Variants in AOPEP observed in about 807,000 individuals in gnomAD.
AOPEP encodes the protein aminopeptidase O (putative), also known as aminopeptidase O.
A neutral mutation model predicts 98.1 loss-of-function variants in AOPEP; 77 were observed. That is an observed-to-expected ratio of 0.78 (90% CI 0.65 to 0.95). AOPEP has a LOEUF of 0.95. AOPEP is among the 40% of genes least tolerant of loss of function. The pLI is 0.00. For missense variants in AOPEP, 1,024 were observed against 1,024.7 expected (o/e 1.00, Z 0.01); for synonymous variants, 346 against 365.3 (o/e 0.95, Z 0.60).
At position 95,005,177 on chromosome 9, in the gene AOPEP, G is replaced by T; in HGVS notation, c.1997G>T (p.Arg666Leu). ...GIPKPLQRER[R>L]AGAECGLARQ... is the part of the protein sequence containing the mutation. ...CCGCAGCCGCTGCAGAGGGAGCGTC[G>T]CGCCGGGGCGGAGTGCGGGCTTGCG... Residue 666 changes from arginine (R) to leucine (L), a missense_variant, in exon 12 of 17, where the codon CGC becomes CTC. This residue lies in a region of AOPEP where 566 missense variants were observed against 551.7 expected (regional missense o/e 1.03). Transcript: ENST00000375315. 8.7e-7 allele frequency: 1 copy of T among 1,151,526 alleles called. No homozygotes were observed. The highest frequency in any genetic ancestry group is 1.1e-6 in the Non-Finnish European group (1 of 932,622). 71.3% of individuals were successfully genotyped at this position (1,151,526 alleles called of 1,614,324 possible).
At chr9:94,748,725 T>C (rs763772306) in intron 1 of AOPEP, among the ~76,000 whole-genome samples, 8 of 152,320 alleles carry the variant, frequency 5.3e-5, no homozygotes, top group Non-Finnish European at 1.2e-4. Context: ...TTTATAGCCT[T>C]CACACTTTTG....
intron 3 of AOPEP, among the ~76,000 whole-genome samples, chr9:94,785,039 A>T (rs1208478499): frequency 6.6e-6 from 1 of 152,148 alleles, no homozygotes; most frequent in Non-Finnish European, 1.5e-5. Context: ...GGTTCAAGTG[A>T]TTCTCCAGCC....
At chr9:95,010,389 T>A (rs2062407853) in intron 13 of AOPEP, among the ~76,000 whole-genome samples, 1 of 152,186 alleles carries the variant, frequency 6.6e-6, no homozygotes, top group Non-Finnish European at 1.5e-5. Flanking sequence ...TCCAGAGCCA[T>A]CAGCACACAA....
chr9:95,123,836 GCTGCCCC>G, the AOPEP span: 1 of 654,336 alleles, frequency 1.5e-6, no homozygotes, highest in Non-Finnish European at 2.9e-6. Context: ...ACCTGCGGAT[GCTGCCCC>G]ACAACCCCCA....
chr9:95,150,113 C>A, the AOPEP span: 1 of 1,613,382 alleles, frequency 6.2e-7, no homozygotes, highest in Non-Finnish European at 8.5e-7. Flanking sequence ...GAAATAATCA[C>A]TCAAATCTAA....
chr9:94,911,832 C>T (rs1389475083), intron 5 of AOPEP, among the ~76,000 whole-genome samples: 1 of 152,138 alleles, frequency 6.6e-6, no homozygotes, highest in African/African-American at 2.4e-5. Context: ...AAAGATGGAC[C>T]TCCCAGGGTA....
chr9:94,817,205 A>G (rs939372061), intron 5 of AOPEP, among the ~76,000 whole-genome samples: 1 of 152,042 alleles, frequency 6.6e-6, no homozygotes, highest in Non-Finnish European at 1.5e-5. Flanking sequence ...GGGTTTCGCC[A>G]CGTTGTCCAG....
chr9:94,983,313 C>G (rs1002803802), intron 11 of AOPEP, among the ~76,000 whole-genome samples: 11 of 152,148 alleles, frequency 7.2e-5, no homozygotes, highest in African/African-American at 2.7e-4. Flanking sequence ...GCGAGCCAGC[C>G]AGTTTCTACA....
Position 94,818,769 on chromosome 9 carries a change from C to T in AOPEP, c.1364+17767C>T, listed in dbSNP as rs891725712. 3.3e-5 allele frequency among the ~76,000 whole-genome samples: 5 copies of T among 152,150 alleles called. No individual in the cohort carries two copies. In the East Asian group the frequency reaches 7.7e-4, roughly 24 times the overall value. On this transcript the variant is annotated intron_variant, in intron 5 of 16. Transcript: ENST00000375315. ...CAGCACTTTGGGAGGCTGAGGTGGG[C>T]GGATCACGAGGTCAGGAGATCGAGA...
intron 2 of AOPEP, among the ~76,000 whole-genome samples, chr9:94,772,102 C>G (rs1841028726): frequency 6.6e-6 from 1 of 152,148 alleles, no homozygotes; most frequent in Non-Finnish European, 1.5e-5. Flanking sequence ...GTGCTTTGCT[C>G]TATTCATTTA....
At chr9:94,774,264 A>T (rs1370920644) in intron 3 of AOPEP, among the ~76,000 whole-genome samples, 1 of 137,030 alleles carries the variant, frequency 7.3e-6, no homozygotes, top group Non-Finnish European at 1.5e-5. Flanking sequence ...GTGAGCTGAG[A>T]TGGCGCCACT....
At chr9:95,110,940 CAA>C in the AOPEP span, 4 of 1,342,544 alleles carry the variant, frequency 3.0e-6, no homozygotes, top group Non-Finnish European at 3.8e-6. Context: ...TTTTCAGAAG[CAA>C]AGTGGTTAAT....
At chr9:94,809,720 GTT>G (rs1850051159) in intron 5 of AOPEP, among the ~76,000 whole-genome samples, 1 of 152,184 alleles carries the variant, frequency 6.6e-6, no homozygotes, top group South Asian at 2.1e-4. Context: ...TTATTTATAA[GTT>G]ATATGCATTT....
the AOPEP span, chr9:95,107,313 G>A: frequency 2.3e-5 from 37 of 1,582,228 alleles, no homozygotes; most frequent in African/African-American, 1.2e-4. Context: ...GAAGAGGCAG[G>A]ACAGACATAC....
the AOPEP span, among the ~76,000 whole-genome samples, chr9:95,133,039 C>T: frequency 6.6e-6 from 1 of 152,218 alleles, no homozygotes; most frequent in African/African-American, 2.4e-5. Context: ...GCAGCAGTCT[C>T]GTGCTATCTG....
intron 16 of AOPEP, among the ~76,000 whole-genome samples, chr9:95,084,057 C>T (rs2070263229): frequency 6.6e-6 from 1 of 151,978 alleles, no homozygotes; most frequent in African/African-American, 2.4e-5. Context: ...GTGTCTGCTC[C>T]GTTTTTCTTC....
intron 10 of AOPEP, 23 bp from the exon 11 acceptor site, chr9:94,979,344 T>G: frequency 1.3e-6 from 2 of 1,560,442 alleles, no homozygotes; most frequent in Non-Finnish European, 1.8e-6. Context: ...AATCCTTTAC[T>G]TTTTGTTGTT....
At chr9:95,039,169 T>G (rs1410699641) in intron 13 of AOPEP, among the ~76,000 whole-genome samples, 2 of 152,108 alleles carry the variant, frequency 1.3e-5, no homozygotes, top group East Asian at 3.9e-4. Context: ...GCCCATGCTG[T>G]TGGAGTCTGC....
In AOPEP at chr9:94,934,315, C is replaced by CTTTTTTTTTTTT. The variant is rs974551445; in HGVS notation, c.1661+5792_1661+5803dup. Among the ~76,000 whole-genome samples, 20 of 116,742 alleles carry CTTTTTTTTTTTT rather than the reference C, an allele frequency of 1.7e-4. 2 individuals carry two copies. Among genetic ancestry groups the CTTTTTTTTTTTT allele is most frequent in the African/African-American group, 7.9e-4 (20 of 25,184 alleles). 76.6% of individuals were successfully genotyped at this position (116,742 alleles called of 152,430 possible). On this transcript the variant is annotated intron_variant, in intron 7 of 16. Transcript: ENST00000375315. Reference sequence around the variant, plus strand: ...CTGACTATGCTCACACTTCTCCCATCTTTTTTTTTTTTTTTTTTTGAGACA... The same window carrying CTTTTTTTTTTTT: ...CTGACTATGCTCACACTTCTCCCATCTTTTTTTTTTTTTTTTTTTTTTTTTTTTTTTGAGACA...
Sources: allele counts gnomAD v4.1 joint callset (sites outside exome capture counted in the v4.1 genomes callset), GRCh38; gene constraint gnomAD v4.1.1; regional missense constraint gnomAD v4.1.1; transcripts MANE v1.5; gene names NCBI Gene and HGNC (gene_info 2026-07-23, HGNC 2026-07-21).